PSD3: variants seen among roughly 807,000 people sequenced by gnomAD.
The protein encoded by PSD3 is PH and SEC7 domain-containing protein 3.
In PSD3, 49 loss-of-function variants were observed where a neutral mutation model predicts 105.5. That is an observed-to-expected ratio of 0.46 (90% confidence interval 0.37 to 0.59). The LOEUF is 0.59. PSD3 is among the 20% of genes least tolerant of loss of function. PSD3 has a pLI of 0.00. For synonymous variants in PSD3, 557 were observed against 457.8 expected, an observed-to-expected ratio of 1.22 and a Z score of -2.77; for missense variants, 1,561 against 1,263.8, an observed-to-expected ratio of 1.24 and a Z score of -3.57.
chr8:18,529,234 A>G lies in PSD3; in HGVS notation c.*6509T>C, dbSNP rs1799539645. The G allele has an allele frequency of 6.6e-6, 1 of 152,172 alleles. No homozygotes were observed. The allele number at this position is 152,172 out of a possible 1,614,324, so 9.4% of individuals were successfully genotyped here. ...GAAAGAATGTGATATGGATCCCCTC[A>G]TTTATGTGTTAAAAATATAATGCAT... On this transcript the variant is annotated 3_prime_UTR_variant, in exon 16 of 16. Coordinates refer to ENST00000327040, the MANE Select transcript of PSD3 (RefSeq NM_015310.4).
chr8:18,589,945 T>C (rs1206450950), intron 12 of PSD3, among the ~76,000 whole-genome samples: 4 of 152,202 alleles, frequency 2.6e-5, no homozygotes, highest in Non-Finnish European at 5.9e-5. Flanking sequence ...TTCCCTGCCA[T>C]AACATATTTT....
intron 8 of PSD3, among the ~76,000 whole-genome samples, chr8:18,779,838 T>C (rs1036478085): frequency 1.3e-5 from 2 of 152,232 alleles, no homozygotes; most frequent in African/African-American, 4.8e-5. Context: ...ACTACTTTTG[T>C]TGTATAACAA....
At chr8:18,767,363 T>A (rs1029240446) in intron 8 of PSD3, among the ~76,000 whole-genome samples, 6 of 152,154 alleles carry the variant, frequency 3.9e-5, no homozygotes, top group Non-Finnish European at 4.4e-5. Flanking sequence ...CTGTTACGAG[T>A]GCAGGAGAGG....
At chr8:18,961,764 T>G (rs1823942658) in intron 1 of PSD3, among the ~76,000 whole-genome samples, 1 of 152,156 alleles carries the variant, frequency 6.6e-6, no homozygotes, top group Non-Finnish European at 1.5e-5. Flanking sequence ...ACCATAAAGA[T>G]ATTTTATTTG....
At position 18,936,085 on chromosome 8, in the gene PSD3, C is replaced by A. The variant is rs1422300906; in HGVS notation, c.79G>T (p.Ala27Ser). 1 of 1,613,292 alleles carries A rather than the reference C, an allele frequency of 6.2e-7. No individual in the cohort carries two copies. Among genetic ancestry groups the A allele is most frequent in the East Asian group, 2.2e-5 (1 of 44,856 alleles). ...ASAHSQSVAK[A>S]KYEFLFGRSE... ...CTGCCAAATAAAAATTCATATTTGG[C>A]CTTGGCAACACTCTGGGAATGTGCA... Residue 27 changes from alanine (A) to serine (S), a missense_variant, in exon 2 of 16, where the codon GCC (alanine) becomes TCC (serine). Ala to Ser is a moderately conservative substitution (Grantham distance 99). Transcript: ENST00000327040.
chr8:18,690,332 A>C (rs1280253111), intron 9 of PSD3, among the ~76,000 whole-genome samples: 1 of 152,210 alleles, frequency 6.6e-6, no homozygotes, highest in Non-Finnish European at 1.5e-5. Context: ...ATGACTACAA[A>C]GCAAGTTAAT....
chr8:18,893,262 A>C (rs1372537443), intron 2 of PSD3, among the ~76,000 whole-genome samples: 11 of 152,110 alleles, frequency 7.2e-5, no homozygotes, highest in Admixed American at 7.2e-4. Context: ...GGATGGGCTT[A>C]AGGGGCTGAC....
chr8:18,579,105 CA>C (rs1269916459), intron 12 of PSD3, among the ~76,000 whole-genome samples: 1 of 150,908 alleles, frequency 6.6e-6, no homozygotes, highest in East Asian at 1.9e-4. Context: ...TCCACACACA[CA>C]CACACACACA....
intron 15 of PSD3, among the ~76,000 whole-genome samples, chr8:18,540,674 T>G (rs1800104888): frequency 6.6e-6 from 1 of 152,178 alleles, no homozygotes; most frequent in African/African-American, 2.4e-5. Context: ...GTCGCCTGAC[T>G]GCTCTCCCTG....
chr8:18,572,724 T>C lies in PSD3; in HGVS notation c.2640-52A>G, dbSNP rs573385567. ...AGGATATTGCCATGTCTAAGTAGCA[T>C]CACACTTTGCCTATTTCACGTTACT... On this transcript the variant is annotated intron_variant, in intron 13 of 15. Transcript: ENST00000327040. 53 of 1,578,110 alleles carry C rather than the reference T, an allele frequency of 3.4e-5. No individual in the cohort carries two copies. In the South Asian group the frequency reaches 5.0e-4, roughly 15 times the overall value.
chr8:18,938,757 C>T (rs913723602), intron 1 of PSD3, among the ~76,000 whole-genome samples: 2 of 152,044 alleles, frequency 1.3e-5, no homozygotes, highest in African/African-American at 4.8e-5. Flanking sequence ...CAGAACAATC[C>T]TATGAGGTGG....
intron 4 of PSD3, among the ~76,000 whole-genome samples, chr8:18,848,325 G>A (rs879695739): frequency 2.0e-5 from 3 of 152,160 alleles, no homozygotes; most frequent in Non-Finnish European, 4.4e-5. Context: ...TTTTGATACT[G>A]AATACATACT....
intron 11 of PSD3, among the ~76,000 whole-genome samples, chr8:18,621,609 G>A (rs1806113287): frequency 1.3e-5 from 2 of 152,124 alleles, no homozygotes; most frequent in Non-Finnish European, 2.9e-5. Context: ...TAAAACTAGA[G>A]AGTCACGTGA....
intron 9 of PSD3, among the ~76,000 whole-genome samples, chr8:18,758,414 CTTTTTTT>C (rs143280710): frequency 1.5e-5 from 2 of 135,106 alleles, no homozygotes; most frequent in East Asian, 4.2e-4. Context: ...CAGTTTTACT[CTTTTTTT>C]TTTTTTTTTT....
chr8:18,623,825 T>C (rs1317620877), intron 11 of PSD3, among the ~76,000 whole-genome samples: 1 of 152,168 alleles, frequency 6.6e-6, no homozygotes, highest in Non-Finnish European at 1.5e-5. Context: ...AACCATTCTA[T>C]GTTTAATAAT....
chr8:18,572,619 A>G lies in PSD3; in HGVS notation c.2693T>C (p.Val898Ala). The G allele has an allele frequency of 1.2e-6, 2 of 1,614,122 alleles. No individual in the cohort carries two copies. Among genetic ancestry groups the G allele is most frequent in the Non-Finnish European group, 1.7e-6 (2 of 1,179,960 alleles). Reference sequence around the variant, plus strand: ...TGCTGGAAATGGTGGTGCAGAAAATACAGCTGCCACACAATTGATTTTGTT... The same window carrying G: ...TGCTGGAAATGGTGGTGCAGAAAATGCAGCTGCCACACAATTGATTTTGTT... Reference protein sequence around the residue: ...WINKINCVAAVFSAPPFPAAI... With the variant: ...WINKINCVAAAFSAPPFPAAI... Residue 898 changes from valine to alanine, a missense_variant, in exon 14 of 16, where the codon GTA (valine) becomes GCA (alanine). Physicochemically the swap from Val to Ala is moderately conservative, Grantham distance 64 (BLOSUM62 0). Coordinates refer to ENST00000327040, the MANE Select transcript of PSD3 (RefSeq NM_015310.4).
intron 9 of PSD3, among the ~76,000 whole-genome samples, chr8:18,722,132 T>C (rs1803020825): frequency 6.6e-6 from 1 of 151,566 alleles, no homozygotes; most frequent in Admixed American, 6.6e-5. Flanking sequence ...CTTAAAAGTC[T>C]ACTAGATCGG....
chr8:18,771,227 G>GT (rs1563246906), intron 8 of PSD3, among the ~76,000 whole-genome samples: 1 of 152,196 alleles, frequency 6.6e-6, no homozygotes, highest in African/African-American at 2.4e-5. Context: ...AATCAGGGAT[G>GT]TAAGTTCTCA....
chr8:18,611,368 T>G (rs1437704595), intron 11 of PSD3, among the ~76,000 whole-genome samples: 2 of 151,876 alleles, frequency 1.3e-5, no homozygotes, highest in African/African-American at 4.8e-5. Context: ...ACATTGCAAA[T>G]GATCATCATC....
Sources: gnomAD v4.1 joint callset for allele counts (sites outside exome capture counted in the v4.1 genomes callset) on GRCh38, gnomAD v4.1.1 for gene constraint, MANE v1.5 for transcripts, NCBI Gene and HGNC (gene_info 2026-07-23, HGNC 2026-07-21) for gene names.